LRGUK: variants seen among roughly 807,000 people sequenced by gnomAD.
The protein encoded by LRGUK is leucine rich repeats and guanylate kinase domain containing.
Under a neutral mutation model 76.0 loss-of-function variants are expected in LRGUK, and 65 were observed. The observed-to-expected ratio is 0.85, with a 90% CI of 0.70 to 1.05. The LOEUF (loss-of-function observed/expected upper bound fraction) is 1.05, where lower values mean the gene tolerates loss of function less well. Ranked by LOEUF, LRGUK falls within the 50% of genes least tolerant of loss-of-function variation. The pLI, the probability that LRGUK is intolerant of heterozygous loss-of-function variation, is 0.00. For synonymous variants in LRGUK, 268 were observed against 265.6 expected (o/e 1.01, Z -0.09); for missense variants, 758 against 732.8 (o/e 1.03, Z -0.40).
chr7:134,144,431 G>A (rs1479118871), intron 4 of LRGUK, among the ~76,000 whole-genome samples: 2 of 152,162 alleles, frequency 1.3e-5, no homozygotes, highest in Non-Finnish European at 2.9e-5. Context: ...AAGCCACCAC[G>A]CCTGGCCTGG....
chr7:134,144,867 C>T (rs1447421982), intron 4 of LRGUK, among the ~76,000 whole-genome samples: 2 of 152,124 alleles, frequency 1.3e-5, no homozygotes, highest in Admixed American at 6.5e-5. Context: ...GGGGCCGCAT[C>T]GTCTTGAGGT....
intron 18 of LRGUK, among the ~76,000 whole-genome samples, chr7:134,254,534 G>A (rs2117218355): frequency 6.6e-6 from 1 of 151,658 alleles, no homozygotes; most frequent in East Asian, 1.9e-4. Context: ...CACAATGGAA[G>A]GGGTGAGGGA....
intron 12 of LRGUK, 121 bp from the exon 13 acceptor site, chr7:134,196,871 T>C (rs2117072518): frequency 1.7e-6 from 1 of 575,836 alleles, no homozygotes; most frequent in Non-Finnish European, 3.1e-6. Flanking sequence ...CATCCTTATA[T>C]AGTTGCTAAA....
chr7:134,251,675 C>G (rs1802450247), intron 18 of LRGUK, among the ~76,000 whole-genome samples: 1 of 152,096 alleles, frequency 6.6e-6, no homozygotes, highest in African/African-American at 2.4e-5. Context: ...ATCGTATGCA[C>G]TATATCTTTA....
chr7:134,255,350 C>T (rs1386979833), intron 18 of LRGUK, among the ~76,000 whole-genome samples: 4 of 151,968 alleles, frequency 2.6e-5, no homozygotes, highest in Admixed American at 6.6e-5. Context: ...GTTAATTAGT[C>T]GGTAAAAGGA....
chr7:134,270,090 T>C, the LRGUK span, among the ~76,000 whole-genome samples: 1 of 152,108 alleles, frequency 6.6e-6, no homozygotes, highest in African/African-American at 2.4e-5. Context: ...TTCAAGCCAG[T>C]GCAATAAAGC....
chr7:134,215,942 T>C (rs1801426580), intron 15 of LRGUK, among the ~76,000 whole-genome samples: 1 of 152,176 alleles, frequency 6.6e-6, no homozygotes, highest in Admixed American at 6.5e-5. Flanking sequence ...GAGAGTGCAG[T>C]CATGATTTGC....
At chr7:134,161,952 A>G (rs930290090) in intron 6 of LRGUK, among the ~76,000 whole-genome samples, 2 of 152,128 alleles carry the variant, frequency 1.3e-5, no homozygotes, top group African/African-American at 2.4e-5. Context: ...GCAGCCTCCC[A>G]AAGTGCTGGG....
At position 134,255,996 on chromosome 7, in the gene LRGUK, G is replaced by A. The variant is rs191873175; in HGVS notation, c.2199-2261G>A. On this transcript the variant is annotated intron_variant, in intron 18 of 19. Transcript: ENST00000285928. ...TGGCTGGTGAGATCCAGAAACATGGGCCAAAACAAGCCCCCTGTCGCCTGT... is the reference window on the plus strand; with the variant it reads ...TGGCTGGTGAGATCCAGAAACATGGACCAAAACAAGCCCCCTGTCGCCTGT... Among the ~76,000 whole-genome samples, 11 of 152,120 alleles carry A rather than the reference G, an allele frequency of 7.2e-5. No individual in the cohort carries two copies. In the East Asian group the frequency reaches 1.9e-3, roughly 27 times the overall value.
chr7:134,177,102 G>T, intron 9 of LRGUK, 39 bp downstream of exon 9: 1 of 1,300,118 alleles, frequency 7.7e-7, no homozygotes, highest in South Asian at 1.3e-5. Flanking sequence ...TGTGTTATTG[G>T]GTTAATATGC....
intron 15 of LRGUK, among the ~76,000 whole-genome samples, chr7:134,207,593 C>G (rs913140543): frequency 5.9e-5 from 9 of 152,140 alleles, no homozygotes; most frequent in Non-Finnish European, 1.0e-4. Context: ...CGTGTCCAGA[C>G]CAGGGGCTCA....
In LRGUK at chr7:134,191,711, A is replaced by AT; in HGVS notation, c.1395dup (p.Ile466TyrfsTer7). On this transcript the variant is annotated frameshift_variant, in exon 12 of 16. Transcript: ENST00000645682. LOFTEE classifies it high-confidence loss of function. ...GGAGAAGGGGATCGAGTTGATTATC[A>AT]TTTTATCTCTCAAGACGTTTTTGAT... 6.2e-7 allele frequency: 1 copy of AT among 1,613,130 alleles called. No homozygotes were observed. The highest frequency in any genetic ancestry group is 8.5e-7 in the Non-Finnish European group (1 of 1,179,560).
intron 18 of LRGUK, among the ~76,000 whole-genome samples, chr7:134,253,742 G>A (rs1461861999): frequency 6.6e-6 from 1 of 152,214 alleles, no homozygotes. Context: ...TGAAACCCGG[G>A]AGGCAGAGGT....
chr7:134,156,370 G>T (rs191657163), intron 5 of LRGUK, among the ~76,000 whole-genome samples: 242 of 151,978 alleles, frequency 1.6e-3, no homozygotes, highest in Middle Eastern at 0.01. Context: ...TGGTCTCCTA[G>T]CCTATCATTT....
intron 16 of LRGUK, among the ~76,000 whole-genome samples, chr7:134,235,046 G>C (rs966737334): frequency 6.6e-6 from 1 of 152,100 alleles, no homozygotes; most frequent in Non-Finnish European, 1.5e-5. Context: ...CTAGATCACG[G>C]CAGCCACCTC....
At chr7:134,228,393 G>A (rs1801814167) in intron 16 of LRGUK, among the ~76,000 whole-genome samples, 1 of 152,102 alleles carries the variant, frequency 6.6e-6, no homozygotes, top group African/African-American at 2.4e-5. Flanking sequence ...GAGTGTCATA[G>A]ATAGAGAAAA....
At chr7:134,241,959 G>A (rs561521281) in intron 16 of LRGUK, among the ~76,000 whole-genome samples, 195 of 152,172 alleles carry the variant, frequency 1.3e-3, no homozygotes, top group African/African-American at 4.4e-3. Context: ...ATGACTACTG[G>A]GTACATAATA....
In LRGUK at chr7:134,244,252, A is replaced by G. The variant is rs189297128; in HGVS notation, c.1984-3304A>G. ...CTGCACAGCAAAAGAAACTACCATC[A>G]TAGTGAACAGGCAACCTACAGAATG... On this transcript the variant is annotated intron_variant, in intron 16 of 19. Transcript: ENST00000285928. Among the ~76,000 whole-genome samples the G allele has an allele frequency of 2.7e-3, 406 of 152,368 alleles. 2 individuals carry two copies. Among genetic ancestry groups the G allele is most frequent in the African/African-American group, 9.3e-3 (387 of 41,592 alleles).
intron 2 of LRGUK, among the ~76,000 whole-genome samples, chr7:134,138,968 T>C (rs1797646536): frequency 6.6e-6 from 1 of 150,696 alleles, no homozygotes. Flanking sequence ...GAGATTATTG[T>C]GAAAGAGCTT....
Sources: gnomAD v4.1 joint callset for allele counts (sites outside exome capture counted in the v4.1 genomes callset) on GRCh38, gnomAD v4.1.1 for gene constraint, MANE v1.5 for transcripts, NCBI Gene and HGNC (gene_info 2026-07-23, HGNC 2026-07-21) for gene names.